JPH3: variants seen among roughly 807,000 people sequenced by gnomAD.
The protein encoded by JPH3 is junctophilin-3.
JPH3 carries 11 observed loss-of-function variants against 59.6 expected under a neutral mutation model. The ratio of observed to expected loss-of-function variants is 0.18; its 90% CI spans 0.12 to 0.31. JPH3 has a LOEUF of 0.31. Ranked by LOEUF, JPH3 falls within the 10% of genes least tolerant of loss-of-function variation. The pLI, the probability that JPH3 is intolerant of heterozygous loss-of-function variation, is 1.00. For missense variants in JPH3, 1,202 were observed against 1,105.7 expected (o/e 1.09, Z -1.24); for synonymous variants, 673 against 483.6 (o/e 1.39, Z -5.14).
rs1207241434 is a variant in JPH3 at position 87,616,231 on chromosome 16, TGTGTG to T, written c.382+12704_382+12708del. 1.1e-3 allele frequency among the ~76,000 whole-genome samples: 163 copies of T among 144,102 alleles called. 2 individuals carry two copies. The highest frequency in any genetic ancestry group is 3.2e-3 in the African/African-American group (124 of 38,232). The allele number at this position is 144,102 out of a possible 152,430, so 94.5% of individuals were successfully genotyped here. A position where few individuals can be genotyped will look rare whatever the true frequency, so the allele number is the denominator to read the frequency against. ...GTGTGTGTGTGTGTGTGTGTGTGTGTGTGTGTATTTTTTTTTTTTTGAGACAGAGT... is the reference window on the plus strand; with the variant it reads ...GTGTGTGTGTGTGTGTGTGTGTGTGTTATTTTTTTTTTTTTGAGACAGAGT... On this transcript the variant is annotated intron_variant, in intron 1 of 4. Transcript: ENST00000284262.
chr16:87,635,968 G>C (rs879359800), intron 1 of JPH3, among the ~76,000 whole-genome samples: 3 of 152,242 alleles, frequency 2.0e-5, no homozygotes, highest in Non-Finnish European at 4.4e-5. Flanking sequence ...GGGCCCCAGG[G>C]CCAGGGCAAC....
chr16:87,628,902 T>C (rs1005863645), intron 1 of JPH3, among the ~76,000 whole-genome samples: 7 of 152,036 alleles, frequency 4.6e-5, no homozygotes, highest in African/African-American at 1.4e-4. Flanking sequence ...GGACAGAGTG[T>C]CAGGTAGGGT....
intron 2 of JPH3, among the ~76,000 whole-genome samples, chr16:87,673,247 C>G (rs939221860): frequency 1.5e-4 from 23 of 151,910 alleles, no homozygotes; most frequent in African/African-American, 4.8e-4. Context: ...CAACCGCACT[C>G]TTAATAACAG....
Position 87,602,986 on chromosome 16 carries a change from G to T in JPH3, c.-161G>T. 1.4e-6 allele frequency: 1 copy of T among 711,478 alleles called. No individual in the cohort carries two copies. Among genetic ancestry groups the T allele is most frequent in the South Asian group, 2.0e-5 (1 of 50,818 alleles). 44.1% of individuals were successfully genotyped at this position (711,478 alleles called of 1,614,324 possible). On this transcript the variant is annotated 5_prime_UTR_variant, in exon 1 of 5. Transcript: ENST00000284262. ...GATTGACTGAAATTCCTCCGGAGCC[G>T]GCGCCGCGGCCGCCCGCGCCCGAGA... is the stretch of plus-strand genomic sequence containing the variant.
intron 4 of JPH3, chr16:87,695,733 T>C: frequency 4.4e-6 from 2 of 455,798 alleles, no homozygotes; most frequent in Non-Finnish European, 8.8e-6. Context: ...CCTCTCCCCC[T>C]GCCTGGTGTG....
chr16:87,684,115 C>G lies in JPH3; in HGVS notation c.1161-27C>G, dbSNP rs767322782. The G allele has an allele frequency of 2.0e-5, 32 of 1,599,186 alleles. No individual in the cohort carries two copies. The East Asian group carries it at 2.7e-4, about 13-fold the overall frequency. ...CCTGTCACCTGTGCCCCCTGCCCCC[C>G]CTCACGCTCCTCCCTGTCTCCCCCA... On this transcript the variant is annotated intron_variant, in intron 2 of 4. Coordinates refer to ENST00000284262, the MANE Select transcript of JPH3 (RefSeq NM_020655.4).
At chr16:87,669,284 G>C (rs1413552251) in intron 2 of JPH3, among the ~76,000 whole-genome samples, 1 of 152,194 alleles carries the variant, frequency 6.6e-6, no homozygotes, top group African/African-American at 2.4e-5. Flanking sequence ...TGGGTAGGAT[G>C]GGGTTGCTGA....
At chr16:87,647,775 C>T (rs944514880) in intron 2 of JPH3, among the ~76,000 whole-genome samples, 17 of 152,184 alleles carry the variant, frequency 1.1e-4, no homozygotes, top group African/African-American at 2.4e-4. Context: ...CCAGGGTGTA[C>T]GGCTGCACAG....
chr16:87,694,918 C>A (rs756727534), intron 4 of JPH3: 1 of 220,356 alleles, frequency 4.5e-6, no homozygotes, highest in East Asian at 1.2e-4. Flanking sequence ...CGCGGTTGCA[C>A]GGCCCATGTC....
intron 1 of JPH3, among the ~76,000 whole-genome samples, chr16:87,637,411 AGTGTGTGTGTTT>A (rs923160087): frequency 8.9e-6 from 1 of 111,968 alleles, no homozygotes; most frequent in African/African-American, 4.2e-5. Flanking sequence ...AGAGAGAGAG[AGTGTGTGTGTTT>A]GTGTGTGTGT....
intron 2 of JPH3, among the ~76,000 whole-genome samples, chr16:87,678,100 A>G (rs536361973): frequency 1.3e-5 from 2 of 152,058 alleles, no homozygotes; most frequent in Non-Finnish European, 2.9e-5. Context: ...AAAATAAACA[A>G]AATTAGCCAG....
chr16:87,610,073 A>C (rs2150821860), intron 1 of JPH3, among the ~76,000 whole-genome samples: 1 of 152,350 alleles, frequency 6.6e-6, no homozygotes, highest in South Asian at 2.1e-4. Context: ...TGTGCAAACT[A>C]GGTCCCTGGC....
chr16:87,683,008 C>A (rs1383682352), intron 2 of JPH3, among the ~76,000 whole-genome samples: 1 of 152,250 alleles, frequency 6.6e-6, no homozygotes, highest in Non-Finnish European at 1.5e-5. Flanking sequence ...AGGGAGCGGC[C>A]AGAGGGGTGA....
intron 1 of JPH3, among the ~76,000 whole-genome samples, chr16:87,623,571 C>A (rs1363050462): frequency 6.6e-6 from 1 of 152,232 alleles, no homozygotes; most frequent in Admixed American, 6.5e-5. Context: ...GATGCAATTT[C>A]ATTCCCCAAC....
chr16:87,634,163 G>C (rs1195368574), intron 1 of JPH3, among the ~76,000 whole-genome samples: 1 of 152,196 alleles, frequency 6.6e-6, no homozygotes, highest in Non-Finnish European at 1.5e-5. Flanking sequence ...CTTTGTGAAT[G>C]CCGTCTGTTG....
chr16:87,632,479 C>A (rs1276008619), intron 1 of JPH3, among the ~76,000 whole-genome samples: 1 of 152,238 alleles, frequency 6.6e-6, no homozygotes, highest in Non-Finnish European at 1.5e-5. Flanking sequence ...TGGAGTCTTG[C>A]TCTGCCACCC....
intron 1 of JPH3, among the ~76,000 whole-genome samples, chr16:87,634,117 G>A (rs1402049756): frequency 2.6e-5 from 4 of 152,194 alleles, no homozygotes; most frequent in Non-Finnish European, 4.4e-5. Flanking sequence ...GGACAGGCAC[G>A]GGGCATGGGG....
intron 2 of JPH3, among the ~76,000 whole-genome samples, chr16:87,675,753 G>A (rs2033127938): frequency 6.6e-6 from 1 of 152,188 alleles, no homozygotes; most frequent in Admixed American, 6.5e-5. Flanking sequence ...AGCAGGTGTG[G>A]GGTGCCTGCT....
At chr16:87,653,034 G>A (rs138471204) in intron 2 of JPH3, among the ~76,000 whole-genome samples, 1 of 152,106 alleles carries the variant, frequency 6.6e-6, no homozygotes, top group Non-Finnish European at 1.5e-5. Context: ...TTGCTGAGGA[G>A]GGCAGTGCGT....
Sources: allele counts gnomAD v4.1 joint callset (sites outside exome capture counted in the v4.1 genomes callset), GRCh38; gene constraint gnomAD v4.1.1; transcripts MANE v1.5; gene names NCBI Gene and HGNC (gene_info 2026-07-23, HGNC 2026-07-21).